The following MDGA2 variants were observed in gnomAD, a reference collection of about 807,000 sequenced individuals.
MDGA2 encodes MAM domain-containing glycosylphosphatidylinositol anchor protein 2.
A neutral mutation model predicts 117.8 loss-of-function variants in MDGA2; 40 were observed. That is an observed-to-expected ratio of 0.34 (90% confidence interval 0.26 to 0.44). The LOEUF is 0.44. MDGA2 is among the 20% of genes least tolerant of loss of function. The probability of loss-of-function intolerance (pLI) is 1.00; values close to 1 mark genes in which losing one functional copy is unlikely to be tolerated. For synonymous variants in MDGA2, 452 were observed against 439.0 expected, an observed-to-expected ratio of 1.03 and a Z score of -0.37; for missense variants, 1,123 against 1,250.6, an observed-to-expected ratio of 0.90 and a Z score of 1.54.
At chr14:47,081,576 C>G (rs1486353165) in intron 6 of MDGA2, among the ~76,000 whole-genome samples, 1 of 151,990 alleles carries the variant, frequency 6.6e-6, no homozygotes, top group Non-Finnish European at 1.5e-5. Context: ...GTTTATTCAT[C>G]TAGAAAATAC....
chr14:47,593,138 C>T (rs532764503), intron 1 of MDGA2, among the ~76,000 whole-genome samples: 8 of 152,266 alleles, frequency 5.3e-5, no homozygotes, highest in African/African-American at 2.4e-5. Context: ...AAAAGTTCAA[C>T]GTCGCTAATT....
intron 1 of MDGA2, among the ~76,000 whole-genome samples, chr14:47,561,163 G>GTTTTTTTTTTTTTTTTTTTTTTTTTTTTT (rs1309865250): frequency 3.6e-5 from 3 of 83,878 alleles, no homozygotes; most frequent in Non-Finnish European, 4.8e-5. Flanking sequence ...GTTTTGTTTT[G>GTTTTTTTTTTTTTTTTTTTTTTTTTTTTT]TTTTTTTGTT....
chr14:47,051,392 C>A (rs1889452486), intron 7 of MDGA2, among the ~76,000 whole-genome samples: 1 of 151,884 alleles, frequency 6.6e-6, no homozygotes, highest in Admixed American at 6.6e-5. Flanking sequence ...ATATTTAGAA[C>A]ACACCACATG....
chr14:46,940,625 C>CAAAAAA (rs10623885), intron 9 of MDGA2, among the ~76,000 whole-genome samples: 4 of 139,628 alleles, frequency 2.9e-5, no homozygotes, highest in Non-Finnish European at 3.1e-5. Context: ...GAGACTGTCT[C>CAAAAAA]AAAAAAAAAA....
chr14:46,998,349 A>G (rs2138469129), intron 8 of MDGA2, among the ~76,000 whole-genome samples: 1 of 152,266 alleles, frequency 6.6e-6, no homozygotes, highest in East Asian at 1.9e-4. Context: ...AGTCAACTGT[A>G]AGAAGGGTGG....
intron 6 of MDGA2, among the ~76,000 whole-genome samples, chr14:47,073,163 A>T (rs1890355947): frequency 6.6e-6 from 1 of 152,240 alleles, no homozygotes; most frequent in African/African-American, 2.4e-5. Context: ...GAGTATTAAG[A>T]ATGTAACCAA....
chr14:47,067,590 G>A (rs987810062), intron 6 of MDGA2, among the ~76,000 whole-genome samples: 4 of 150,162 alleles, frequency 2.7e-5, no homozygotes, highest in East Asian at 1.9e-4. Context: ...TAAGAGCCGC[G>A]TGCCTCTTTC....
At chr14:47,018,425 T>C (rs1478266542) in intron 8 of MDGA2, among the ~76,000 whole-genome samples, 2 of 152,094 alleles carry the variant, frequency 1.3e-5, no homozygotes, top group African/African-American at 4.8e-5. Flanking sequence ...TGATAATTCA[T>C]TCAGAGTATC....
intron 1 of MDGA2, among the ~76,000 whole-genome samples, chr14:47,462,830 C>T (rs145011328): frequency 6.6e-6 from 1 of 152,152 alleles, no homozygotes; most frequent in Non-Finnish European, 1.5e-5. Context: ...TGGACTTCTT[C>T]TTCATCCATC....
rs574622713 is a variant in MDGA2, at chr14:47,359,150, T to A, written c.281-57600A>T. ...GCAGGTGGATCACGAGGTCAGGAGA[T>A]CAAGACTATCCTAGCCAACACGGTG... On this transcript the variant is annotated intron_variant, in intron 1 of 16. Coordinates refer to ENST00000399232, the MANE Select transcript of MDGA2 (RefSeq NM_001113498.3). 2.6e-5 allele frequency among the ~76,000 whole-genome samples: 4 copies of A among 152,194 alleles called. No individual in the cohort carries two copies. The South Asian group carries it at 8.3e-4, about 32-fold the overall frequency.
Position 47,559,236 on chromosome 14 carries a change from C to T in MDGA2, c.280+115281G>A, listed in dbSNP as rs145610711. Among the ~76,000 whole-genome samples, 1,020 of 152,246 alleles carry T rather than the reference C, an allele frequency of 6.7e-3. 16 individuals carry two copies. Among genetic ancestry groups the T allele is most frequent in the African/African-American group, 0.024 (980 of 41,550 alleles). Reference sequence around the variant, plus strand: ...AGACAGTTTTTCAATCTTCACCCTCCTCCCTCCCTCTACCATCAAGTAGGT... The same window carrying T: ...AGACAGTTTTTCAATCTTCACCCTCTTCCCTCCCTCTACCATCAAGTAGGT... On this transcript the variant is annotated intron_variant, in intron 1 of 16. Coordinates refer to ENST00000399232, the MANE Select transcript of MDGA2 (RefSeq NM_001113498.3).
At chr14:47,582,945 A>G (rs1896256184) in intron 1 of MDGA2, among the ~76,000 whole-genome samples, 1 of 151,908 alleles carries the variant, frequency 6.6e-6, no homozygotes, top group African/African-American at 2.4e-5. Flanking sequence ...GCAAATGTAC[A>G]TCTTATCGTG....
intron 10 of MDGA2, among the ~76,000 whole-genome samples, chr14:46,895,649 C>A (rs1883045723): frequency 6.6e-6 from 1 of 151,852 alleles, no homozygotes; most frequent in Non-Finnish European, 1.5e-5. Context: ...TTAGCTTGAA[C>A]CTGGGAGGTG....
At chr14:47,092,158 T>C (rs1251598324) in intron 6 of MDGA2, among the ~76,000 whole-genome samples, 1 of 152,140 alleles carries the variant, frequency 6.6e-6, no homozygotes, top group Non-Finnish European at 1.5e-5. Context: ...CATCGATGAT[T>C]TGGACATGTG....
chr14:47,662,501 G>GA (rs72516606), intron 1 of MDGA2, among the ~76,000 whole-genome samples: 151,487 of 152,284 alleles, frequency 0.99, 75,355 homozygotes, highest in East Asian at 1. Flanking sequence ...TAAGCTTAGA[G>GA]ATTAAGGCAT....
intron 2 of MDGA2, among the ~76,000 whole-genome samples, chr14:47,269,662 A>G (rs1379615154): frequency 6.6e-6 from 1 of 152,156 alleles, no homozygotes; most frequent in Non-Finnish European, 1.5e-5. Context: ...AGACTCTAGA[A>G]TTTGGTAAGT....
At chr14:47,323,857 T>C (rs770013787) in intron 1 of MDGA2, among the ~76,000 whole-genome samples, 5 of 151,986 alleles carry the variant, frequency 3.3e-5, no homozygotes, top group Non-Finnish European at 4.4e-5. Flanking sequence ...ATGGAAGAAA[T>C]CGGTATGAGA....
At chr14:47,655,426 T>G (rs1897724682) in intron 1 of MDGA2, among the ~76,000 whole-genome samples, 2 of 152,098 alleles carry the variant, frequency 1.3e-5, no homozygotes, top group Admixed American at 6.6e-5. Flanking sequence ...GTATTGGATA[T>G]TAGAAAGAAC....
intron 1 of MDGA2, among the ~76,000 whole-genome samples, chr14:47,563,579 T>G (rs896691450): frequency 0.023 from 427 of 18,218 alleles, 8 homozygotes; most frequent in African/African-American, 0.071. Flanking sequence ...CTTTTTTCTG[T>G]TTTTTTTTTT....
Sources: allele counts gnomAD v4.1 joint callset (sites outside exome capture counted in the v4.1 genomes callset), GRCh38; gene constraint gnomAD v4.1.1; transcripts MANE v1.5; gene names NCBI Gene and HGNC (gene_info 2026-07-23, HGNC 2026-07-21).